The following STK32B variants were observed in gnomAD, a reference collection of about 807,000 sequenced individuals.
STK32B encodes serine/threonine-protein kinase 32B.
A neutral mutation model predicts 52.6 loss-of-function variants in STK32B; 43 were observed. The ratio of observed to expected loss-of-function variants is 0.82; its 90% confidence interval spans 0.64 to 1.05. The LOEUF is 1.05. Among genes scored for constraint, STK32B ranks in the 50% least tolerant of loss-of-function variants. The probability of loss-of-function intolerance (pLI) is 0.00; values close to 1 mark genes in which losing one functional copy is unlikely to be tolerated. For missense variants in STK32B, 621 were observed against 534.6 expected, an observed-to-expected ratio of 1.16 and a Z score of -1.59; for synonymous variants, 238 against 204.3, an observed-to-expected ratio of 1.17 and a Z score of -1.41.
At position 5,470,161 on chromosome 4, in the gene STK32B, A is replaced by T. The variant is rs1469285029; in HGVS notation, c.1106+2091A>T. The stretch of plus-strand genomic sequence containing the variant: ...GACATCCTTCCCTGTGTCATTTAGG[A>T]GTTGCGTCTGCTGCTTTTAGCAGAA... On this transcript the variant is annotated intron_variant, in intron 11 of 11. Coordinates refer to ENST00000282908, the MANE Select transcript of STK32B (RefSeq NM_018401.3). The surrounding 1 kb of genome is among the most constrained non-coding windows in gnomAD (Gnocchi z 4.6). 2.6e-5 allele frequency among the ~76,000 whole-genome samples: 4 copies of T among 152,150 alleles called. No homozygotes were observed. Among genetic ancestry groups the T allele is most frequent in the Non-Finnish European group, 2.9e-5 (2 of 68,032 alleles).
chr4:5,280,000 T>C (rs879170916), intron 3 of STK32B, among the ~76,000 whole-genome samples: 1 of 152,208 alleles, frequency 6.6e-6, no homozygotes, highest in South Asian at 2.1e-4. Flanking sequence ...TGTGAAGGTC[T>C]CTGAAGTGTC....
intron 6 of STK32B, among the ~76,000 whole-genome samples, chr4:5,433,787 A>G (rs1222473153): frequency 6.6e-6 from 1 of 152,204 alleles, no homozygotes; most frequent in East Asian, 1.9e-4. Flanking sequence ...GCAGCAGGCT[A>G]ATAATTATAC....
At position 5,396,068 on chromosome 4, in the gene STK32B, C is replaced by G. The variant is rs1243184754; in HGVS notation, c.435-2139C>G. The stretch of plus-strand genomic sequence containing the variant: ...CTCTATCAGCTCTCCTTCCACCGTG[C>G]CAGTTGTGTTAGCTTCCGGGGACTG... On this transcript the variant is annotated intron_variant, in intron 4 of 11. Transcript: ENST00000282908. The surrounding 1 kb of genome is among the most constrained non-coding windows in gnomAD (Gnocchi z 4.7). Among the ~76,000 whole-genome samples, 1 of 152,246 alleles carries G rather than the reference C, an allele frequency of 6.6e-6. No individual in the cohort carries two copies. Among genetic ancestry groups the G allele is most frequent in the African/African-American group, 2.4e-5 (1 of 41,476 alleles).
At chr4:5,086,446 A>G (rs1449124302) in intron 1 of STK32B, among the ~76,000 whole-genome samples, 1 of 152,258 alleles carries the variant, frequency 6.6e-6, no homozygotes, top group African/African-American at 2.4e-5. Context: ...ATGAAGAGAA[A>G]TGAACAAAGT....
chr4:5,264,244 A>G (rs910457867), intron 3 of STK32B, among the ~76,000 whole-genome samples: 1 of 152,168 alleles, frequency 6.6e-6, no homozygotes, highest in African/African-American at 2.4e-5. Context: ...GAGTTTTCCA[A>G]AAGTTATCAT....
At chr4:5,187,263 T>C (rs1265615342) in intron 3 of STK32B, among the ~76,000 whole-genome samples, 1 of 152,222 alleles carries the variant, frequency 6.6e-6, no homozygotes, top group East Asian at 1.9e-4. Context: ...TCCTGACTGC[T>C]CTTCATGCTT....
rs769515695 is a variant in STK32B, at chr4:5,499,155, C to G, written c.*72C>G. On this transcript the variant is annotated 3_prime_UTR_variant, in exon 12 of 12. Coordinates refer to ENST00000282908, the MANE Select transcript of STK32B (RefSeq NM_018401.3). ...GCCCACCCAGAGCCCCTCTTTGTGC[C>G]CTGATGGTCCCTGTCTCACCCCTGA... 8.7e-6 allele frequency: 13 copies of G among 1,496,116 alleles called. No homozygotes were observed. Among genetic ancestry groups the G allele is most frequent in the Non-Finnish European group, 1.2e-5 (13 of 1,115,730 alleles). The allele number at this position is 1,496,116 out of a possible 1,614,324, so 92.7% of individuals were successfully genotyped here.
At chr4:5,098,307 A>G (rs1024015563) in intron 1 of STK32B, among the ~76,000 whole-genome samples, 3 of 152,206 alleles carry the variant, frequency 2.0e-5, no homozygotes, top group African/African-American at 7.2e-5. Context: ...GTTGGGCTCT[A>G]TATGTATTAT....
At chr4:5,096,252 G>A (rs979943522) in intron 1 of STK32B, among the ~76,000 whole-genome samples, 1 of 152,176 alleles carries the variant, frequency 6.6e-6, no homozygotes, top group Non-Finnish European at 1.5e-5. Flanking sequence ...CAGACAGCTA[G>A]GATGAAGTGT....
intron 3 of STK32B, among the ~76,000 whole-genome samples, chr4:5,312,221 T>C (rs1420776323): frequency 6.6e-6 from 1 of 151,536 alleles, no homozygotes; most frequent in East Asian, 1.9e-4. Flanking sequence ...TCTTGTTGTT[T>C]TTCTAGAAGC....
At chr4:5,204,489 A>G (rs1577190326) in intron 3 of STK32B, among the ~76,000 whole-genome samples, 1 of 24,452 alleles carries the variant, frequency 4.1e-5, no homozygotes, top group Admixed American at 4.1e-4. Context: ...TTTTGTTTTG[A>G]GACAGAGTCT....
At chr4:5,288,517 G>T (rs1402992213) in intron 3 of STK32B, among the ~76,000 whole-genome samples, 1 of 151,776 alleles carries the variant, frequency 6.6e-6, no homozygotes, top group African/African-American at 2.4e-5. Flanking sequence ...TGGGTTTTTT[G>T]GTTATTTTGG....
chr4:5,153,918 CTT>C (rs1282130770), intron 2 of STK32B, among the ~76,000 whole-genome samples: 1 of 152,002 alleles, frequency 6.6e-6, no homozygotes, highest in Non-Finnish European at 1.5e-5. Context: ...TCTCTGCAAA[CTT>C]ATATACAGAT....
chr4:5,255,320 A>G (rs1726221241), intron 3 of STK32B, among the ~76,000 whole-genome samples: 1 of 152,232 alleles, frequency 6.6e-6, no homozygotes, highest in Non-Finnish European at 1.5e-5. Flanking sequence ...ATGTCTAAAA[A>G]GATGAATTGC....
chr4:5,142,231 G>T (rs974645550), intron 2 of STK32B, among the ~76,000 whole-genome samples: 1 of 152,310 alleles, frequency 6.6e-6, no homozygotes, highest in East Asian at 1.9e-4. Context: ...GTAGATGGTT[G>T]TATGGACCAA....
rs77658673 is a variant in STK32B at position 5,358,833 on chromosome 4, A to G, written c.434+27440A>G. ...AAATGTAGGGCTAGAAAAGGTATGA[A>G]TAATAACAGAGACAGGTAGTGACAA... On this transcript the variant is annotated intron_variant, in intron 4 of 11. Coordinates refer to ENST00000282908, the MANE Select transcript of STK32B (RefSeq NM_018401.3). 7.0e-3 allele frequency among the ~76,000 whole-genome samples: 1,069 copies of G among 152,296 alleles called. 8 individuals are homozygous for G. Among genetic ancestry groups the G allele is most frequent in the African/African-American group, 0.025 (1,019 of 41,566 alleles).
At chr4:5,162,242 A>G (rs1336179378) in intron 2 of STK32B, among the ~76,000 whole-genome samples, 1 of 152,202 alleles carries the variant, frequency 6.6e-6, no homozygotes, top group African/African-American at 2.4e-5. Context: ...GGACACTGTG[A>G]AGACACCGAA....
rs182656026 is a variant in STK32B, at chr4:5,175,303, C to T, written c.260+6853C>T. 4.5e-4 allele frequency among the ~76,000 whole-genome samples: 69 copies of T among 152,278 alleles called. No homozygotes were observed. In the East Asian group the frequency reaches 0.011, roughly 24 times the overall value. On this transcript the variant is annotated intron_variant, in intron 3 of 11. Coordinates refer to ENST00000282908, the MANE Select transcript of STK32B (RefSeq NM_018401.3). ...CTTCTGAAGCCTTCTTCTCTCAACT[C>T]GTCAAAGTTATTCTCTGTCCAGCTT...
intron 3 of STK32B, among the ~76,000 whole-genome samples, chr4:5,285,963 A>C (rs1054886000): frequency 1.3e-5 from 2 of 152,182 alleles, no homozygotes; most frequent in Non-Finnish European, 2.9e-5. Context: ...ACCCTCATCC[A>C]ATATGACTGA....
Sources: gnomAD v4.1 joint callset for allele counts (sites outside exome capture counted in the v4.1 genomes callset) on GRCh38, gnomAD v4.1.1 for gene constraint, Gnocchi (gnomAD v3.1) non-coding constraint, MANE v1.5 for transcripts, NCBI Gene and HGNC (gene_info 2026-07-23, HGNC 2026-07-21) for gene names.